The following NRK variants were observed in gnomAD, a reference collection of about 807,000 sequenced individuals.
NRK encodes nik-related protein kinase.
Under a neutral mutation model 125.2 loss-of-function variants are expected in NRK, and 67 were observed. That is an observed-to-expected ratio of 0.54 (90% CI 0.44 to 0.66). NRK has a LOEUF of 0.66. NRK is among the 30% of genes least tolerant of loss of function. The pLI, the probability that NRK is intolerant of heterozygous loss-of-function variation, is 0.00. For missense variants in NRK, 1,224 were observed against 1,192.9 expected, an observed-to-expected ratio of 1.03 and a Z score of -0.38; for synonymous variants, 458 against 429.0, an observed-to-expected ratio of 1.07 and a Z score of -0.84.
chrX:105,936,978 C>A (rs2040673729), intron 21 of NRK, among the ~76,000 whole-genome samples: 1 of 110,407 alleles, frequency 9.1e-6, no homozygotes, highest in South Asian at 3.8e-4. Flanking sequence ...GAATTGAACT[C>A]TTTGTATGTG....
At chrX:105,920,727 A>G (rs1452014470) in intron 16 of NRK, among the ~76,000 whole-genome samples, 1 of 109,683 alleles carries the variant, frequency 9.1e-6, no homozygotes, top group African/African-American at 3.3e-5. Context: ...AACACATGAA[A>G]AAATGCTCAT....
At chrX:105,845,229 G>T (rs1455535958) in intron 2 of NRK, among the ~76,000 whole-genome samples, 1 of 111,825 alleles carries the variant, frequency 8.9e-6, no homozygotes, top group Non-Finnish European at 1.9e-5. Context: ...AAAGCTATGA[G>T]GGCAGGGACT....
intron 2 of NRK, among the ~76,000 whole-genome samples, chrX:105,872,106 C>T (rs2039755559): frequency 9.0e-6 from 1 of 111,311 alleles, no homozygotes; most frequent in Admixed American, 9.5e-5. Context: ...GAAAAAACCA[C>T]ACCTAAGAAG....
At chrX:105,864,718 T>C (rs772458791) in intron 2 of NRK, among the ~76,000 whole-genome samples, 1 of 111,978 alleles carries the variant, frequency 8.9e-6, no homozygotes, top group African/African-American at 3.2e-5. Flanking sequence ...GACTTGGTCA[T>C]GTCCCAGTTA....
At chrX:105,824,841 C>A (rs1051268871) in intron 1 of NRK, among the ~76,000 whole-genome samples, 4 of 111,245 alleles carry the variant, frequency 3.6e-5, no homozygotes, top group African/African-American at 1.3e-4. Flanking sequence ...CGAGAAGATA[C>A]AAAACTTCAG....
intron 2 of NRK, among the ~76,000 whole-genome samples, chrX:105,863,952 C>T (rs1311547096): frequency 8.9e-6 from 1 of 112,364 alleles, no homozygotes; most frequent in African/African-American, 3.2e-5. Flanking sequence ...TTGTTTAAGT[C>T]ACTTTTTGTA....
At chrX:105,914,632 C>G (rs1300109059) in intron 14 of NRK, among the ~76,000 whole-genome samples, 1 of 108,946 alleles carries the variant, frequency 9.2e-6, no homozygotes, top group South Asian at 4.0e-4. Context: ...CAAAAGTCCC[C>G]GACTGGGTCA....
At chrX:105,861,550 G>A (rs1035596739) in intron 2 of NRK, among the ~76,000 whole-genome samples, 2 of 111,741 alleles carry the variant, frequency 1.8e-5, no homozygotes, top group African/African-American at 6.5e-5. Context: ...TAATTTCCGT[G>A]TGTGGTAGAA....
intron 26 of NRK, chrX:105,948,448 C>G: frequency 9.9e-6 from 3 of 303,134 alleles, no homozygotes; most frequent in Non-Finnish European, 1.7e-5. Context: ...ATTACAAAAG[C>G]TGTAATGATA....
chrX:105,860,780 T>C (rs899014061), intron 2 of NRK, among the ~76,000 whole-genome samples: 37 of 111,228 alleles, frequency 3.3e-4, no homozygotes, highest in Non-Finnish European at 1.3e-4. Context: ...TTTATTCATG[T>C]CGTAGTATGA....
At chrX:105,842,253 C>G (rs1185818455) in intron 2 of NRK, among the ~76,000 whole-genome samples, 1 of 110,921 alleles carries the variant, frequency 9.0e-6, no homozygotes, top group Non-Finnish European at 1.9e-5. Flanking sequence ...GGGTCTTTTT[C>G]TGGAACGTAA....
In NRK at chrX:105,923,279, T is replaced by C. The variant is rs1324594735; in HGVS notation, c.2772T>C (p.Tyr924=). ...AGGATGGTGATTATGTTGAACTCTA[T>C]GATGCCAGTGCTGATACTGATGGTG... ...PEEDGDYVEL[Y]DASADTDGDD... The change falls in exon 18 of 29, where the codon TAT becomes TAC. Residue 924 remains tyrosine (Y), a synonymous_variant. Transcript: ENST00000243300. 5.8e-6 allele frequency: 7 copies of C among 1,199,842 alleles called. No individual in the cohort carries two copies. Among genetic ancestry groups the C allele is most frequent in the Non-Finnish European group, 6.8e-6 (6 of 887,073 alleles).
rs1473716287 is a variant in NRK at position 105,822,661 on chromosome X, A to T, written c.-185A>T. On this transcript the variant is annotated 5_prime_UTR_variant, in exon 1 of 29. Coordinates refer to ENST00000243300, the MANE Select transcript of NRK (RefSeq NM_198465.4). ...GCCTCGCAAACTCCGGTTTCCCTCC[A>T]CTCCCAACTCTTTTCACTACACGTT... 1.0e-5 allele frequency: 5 copies of T among 481,550 alleles called. No homozygotes were observed. The highest frequency in any genetic ancestry group is 2.4e-5 in the African/African-American group (1 of 41,182). The allele number at this position is 481,550 out of a possible 1,213,427, so 39.7% of individuals were successfully genotyped here.
At chrX:105,887,563 T>C (rs2039963472) in intron 4 of NRK, among the ~76,000 whole-genome samples, 1 of 112,125 alleles carries the variant, frequency 8.9e-6, no homozygotes, top group African/African-American at 3.2e-5. Context: ...GACATGACTG[T>C]TCATAGAAGC....
At chrX:105,839,493 C>A in intron 2 of NRK, among the ~76,000 whole-genome samples, 1 of 111,674 alleles carries the variant, frequency 9.0e-6, no homozygotes, top group East Asian at 2.8e-4. Context: ...CACCTTCATC[C>A]TGTGACATTG....
chrX:105,924,663 ACTTT>A (rs1231755241), intron 18 of NRK, 28 bp from the exon 19 acceptor site: 1 of 1,120,848 alleles, frequency 8.9e-7, no homozygotes, highest in Admixed American at 2.6e-5. Flanking sequence ...TTATTGCGTG[ACTTT>A]CTTTCATTAA....
rs962008340 is a variant in NRK at position 105,948,604 on chromosome X, C to G, written c.4354-971C>G. ...CTTCTTTCCTGCAATTTCTTTTACT[C>G]TCTTCCTTTATCTTTTTTTTCTGAT... On this transcript the variant is annotated intron_variant, in intron 26 of 28. Transcript: ENST00000243300. 6 of 479,843 alleles carry G rather than the reference C, an allele frequency of 1.3e-5. No homozygotes were observed. The African/African-American group carries it at 1.5e-4, about 12-fold the overall frequency. The allele number at this position is 479,843 out of a possible 1,213,427, so 39.5% of individuals were successfully genotyped here.
chrX:105,901,110 G>A (rs2040151419), intron 9 of NRK, among the ~76,000 whole-genome samples: 1 of 110,342 alleles, frequency 9.1e-6, no homozygotes, highest in African/African-American at 3.3e-5. Context: ...AAATTCTCCA[G>A]CATTTCATTG....
chrX:105,872,746 G>A (rs2039763693), intron 2 of NRK, among the ~76,000 whole-genome samples: 1 of 111,672 alleles, frequency 9.0e-6, no homozygotes, highest in African/African-American at 3.2e-5. Context: ...AAGCACTGGT[G>A]AAGGAAAGGC....
Sources: gnomAD v4.1 joint callset for allele counts (sites outside exome capture counted in the v4.1 genomes callset) on GRCh38, gnomAD v4.1.1 for gene constraint, MANE v1.5 for transcripts, NCBI Gene and HGNC (gene_info 2026-07-23, HGNC 2026-07-21) for gene names.